Variants in NRG3 observed in about 807,000 individuals in gnomAD.
NRG3 encodes pro-neuregulin-3, membrane-bound isoform.
In NRG3, 31 loss-of-function variants were observed where a neutral mutation model predicts 66.9. That is an observed-to-expected ratio of 0.46 (90% CI 0.35 to 0.63). The LOEUF (loss-of-function observed/expected upper bound fraction) is 0.63, where lower values mean the gene tolerates loss of function less well. Ranked by LOEUF, NRG3 falls within the 20% of genes least tolerant of loss-of-function variation. The pLI is 0.00. For missense variants in NRG3, 910 were observed against 878.9 expected (o/e 1.04, Z -0.45); for synonymous variants, 393 against 359.4 (o/e 1.09, Z -1.06).
chr10:82,738,850 G>A (rs2058283245), intron 3 of NRG3, among the ~76,000 whole-genome samples, 200 bp downstream of exon 3: 1 of 152,138 alleles, frequency 6.6e-6, no homozygotes, highest in Non-Finnish European at 1.5e-5. Context: ...GATGAGGCCT[G>A]GCTTCCGGAT....
At chr10:82,141,772 AC>A (rs2069798962) in intron 1 of NRG3, among the ~76,000 whole-genome samples, 1 of 152,158 alleles carries the variant, frequency 6.6e-6, no homozygotes, top group Non-Finnish European at 1.5e-5. Flanking sequence ...TAGGTAAGTA[AC>A]TTTTTTGATA....
intron 1 of NRG3, among the ~76,000 whole-genome samples, chr10:81,936,327 A>T (rs1270106608): frequency 6.6e-6 from 1 of 152,160 alleles, no homozygotes; most frequent in Non-Finnish European, 1.5e-5. Flanking sequence ...CCAAACTGTG[A>T]TTGGAGTTCT....
At chr10:82,322,687 G>A (rs779427443) in intron 1 of NRG3, among the ~76,000 whole-genome samples, 50 of 152,066 alleles carry the variant, frequency 3.3e-4, no homozygotes, top group Non-Finnish European at 2.1e-4. Flanking sequence ...ATTAATCTTT[G>A]AGAATCTTTA....
chr10:82,779,421 G>A lies in NRG3; in HGVS notation c.1027+40771G>A, dbSNP rs147505546. 6.7e-4 allele frequency among the ~76,000 whole-genome samples: 102 copies of A among 152,120 alleles called. 3 individuals carry two copies. The East Asian group carries it at 0.015, about 22-fold the overall frequency. On this transcript the variant is annotated intron_variant, in intron 3 of 8. Transcript: ENST00000372141. ...TCTGTGATCCACAGGGGCTCTTCAC[G>A]GACCTACTCTACTTCAGTGCTTTCC...
intron 3 of NRG3, among the ~76,000 whole-genome samples, chr10:82,805,675 T>A (rs189143542): frequency 6.6e-6 from 1 of 152,068 alleles, no homozygotes; most frequent in African/African-American, 2.4e-5. Flanking sequence ...TATTAGAGCA[T>A]GAAAGAGGTG....
intron 2 of NRG3, among the ~76,000 whole-genome samples, chr10:82,520,737 A>T (rs181177633): frequency 1.3e-5 from 2 of 152,320 alleles, no homozygotes; most frequent in African/African-American, 4.8e-5. Flanking sequence ...TTCCCACTCT[A>T]GGGGAAAATT....
At chr10:82,328,591 G>C (rs2081985872) in intron 1 of NRG3, among the ~76,000 whole-genome samples, 1 of 152,096 alleles carries the variant, frequency 6.6e-6, no homozygotes, top group Admixed American at 6.5e-5. Context: ...GTCCGTAAAT[G>C]GTTTGAGCAA....
chr10:82,946,409 C>T lies in NRG3; in HGVS notation c.1055-5060C>T, dbSNP rs1849026951. ...CAAAAATTAGCTGGGCATGGTGGCACGCACCTGTAGTCCCAGCTGCTCGGG... is the reference window on the plus strand; with the variant it reads ...CAAAAATTAGCTGGGCATGGTGGCATGCACCTGTAGTCCCAGCTGCTCGGG... On this transcript the variant is annotated intron_variant, in intron 4 of 8. Coordinates refer to ENST00000372141, the MANE Select transcript of NRG3 (RefSeq NM_001010848.4). Among the ~76,000 whole-genome samples, 4 of 151,684 alleles carry T rather than the reference C, an allele frequency of 2.6e-5. No individual in the cohort carries two copies. The South Asian group carries it at 8.3e-4, about 32-fold the overall frequency.
intron 1 of NRG3, among the ~76,000 whole-genome samples, chr10:82,045,035 A>G (rs2063214692): frequency 6.6e-6 from 1 of 151,340 alleles, no homozygotes; most frequent in African/African-American, 2.4e-5. Context: ...ATACGTGTGC[A>G]TGTGTCTTTA....
At chr10:81,945,235 TCTTTA>T (rs1412588234) in intron 1 of NRG3, among the ~76,000 whole-genome samples, 1 of 152,070 alleles carries the variant, frequency 6.6e-6, no homozygotes, top group African/African-American at 2.4e-5. Flanking sequence ...GATCGTATAA[TCTTTA>T]CTTTTCTTCT....
Position 81,980,032 on chromosome 10 carries a change from C to T in NRG3, c.823+103869C>T, listed in dbSNP as rs2060276928. 2.6e-5 allele frequency among the ~76,000 whole-genome samples: 4 copies of T among 152,336 alleles called. No homozygotes were observed. The South Asian group carries it at 6.2e-4, about 24-fold the overall frequency. ...AGTCGTCATCATTTTGCCCCACTTC[C>T]TCATCGCCTTTCATGGTGTTTCACA... On this transcript the variant is annotated intron_variant, in intron 1 of 8. Coordinates refer to ENST00000372141, the MANE Select transcript of NRG3 (RefSeq NM_001010848.4).
At chr10:82,306,030 T>C (rs1057160498) in intron 1 of NRG3, among the ~76,000 whole-genome samples, 1 of 152,234 alleles carries the variant, frequency 6.6e-6, no homozygotes, top group Non-Finnish European at 1.5e-5. Flanking sequence ...TACTGTTTTA[T>C]TGATTTTTTA....
At chr10:82,229,517 GTAAT>G (rs1349919091) in intron 1 of NRG3, among the ~76,000 whole-genome samples, 1 of 152,144 alleles carries the variant, frequency 6.6e-6, no homozygotes, top group Non-Finnish European at 1.5e-5. Context: ...CCAAGACTGG[GTAAT>G]TTATAAAGGA....
At chr10:82,702,358 A>G (rs570115409) in intron 2 of NRG3, among the ~76,000 whole-genome samples, 113 of 152,258 alleles carry the variant, frequency 7.4e-4, no homozygotes, top group South Asian at 1.7e-3. Flanking sequence ...AGAATTTTGA[A>G]CTCCAGAGCA....
intron 4 of NRG3, 30 bp downstream of exon 4, chr10:82,865,467 TC>T (rs1840622455): frequency 6.2e-7 from 1 of 1,606,882 alleles, no homozygotes; most frequent in African/African-American, 1.3e-5. Context: ...TCATTTAATA[TC>T]CTGGAAATGC....
intron 2 of NRG3, among the ~76,000 whole-genome samples, chr10:82,699,568 G>T (rs2055686292): frequency 6.6e-6 from 1 of 151,558 alleles, no homozygotes; most frequent in Admixed American, 6.6e-5. Context: ...TTTTATACTT[G>T]AAAATGTGCC....
rs776495833 is a variant in NRG3, at chr10:81,875,699, C to G, written c.359C>G (p.Ser120Cys). 2 of 1,613,906 alleles carry G rather than the reference C, an allele frequency of 1.2e-6. No homozygotes were observed. The highest frequency in any genetic ancestry group is 1.7e-6 in the Non-Finnish European group (2 of 1,179,994). ...CCCTTCTTCCTCTCCAAGCCCAGCT[C>G]TTTCCCCAAGGCCATGGAGACCACC... The part of the protein sequence containing the change: ...QDPFFLSKPS[S>C]FPKAMETTTT... The change falls in exon 1 of 9, where the codon TCT becomes TGT. Residue 120 changes from serine to cysteine, a missense_variant. Ser to Cys is a moderately radical substitution (Grantham distance 112, BLOSUM62 -1). Coordinates refer to ENST00000372141, the MANE Select transcript of NRG3 (RefSeq NM_001010848.4). The surrounding 1 kb of genome is among the most constrained non-coding windows in gnomAD (Gnocchi z 5.3).
At chr10:81,961,717 T>C (rs1850381431) in intron 1 of NRG3, among the ~76,000 whole-genome samples, 1 of 152,266 alleles carries the variant, frequency 6.6e-6, no homozygotes, top group African/African-American at 2.4e-5. Flanking sequence ...TTGTAAAAGG[T>C]CTGTGATAAA....
intron 1 of NRG3, among the ~76,000 whole-genome samples, chr10:82,277,719 G>A (rs2078924558): frequency 6.6e-6 from 1 of 152,024 alleles, no homozygotes; most frequent in African/African-American, 2.4e-5. Context: ...GACCTTGCAG[G>A]AAGCTCTCAG....
Sources: allele counts gnomAD v4.1 joint callset (sites outside exome capture counted in the v4.1 genomes callset), GRCh38; gene constraint gnomAD v4.1.1; non-coding constraint Gnocchi (gnomAD v3.1); transcripts MANE v1.5; gene names NCBI Gene and HGNC (gene_info 2026-07-23, HGNC 2026-07-21).